The following PLA2G4A variants were observed in gnomAD, a reference collection of about 807,000 sequenced individuals.
PLA2G4A encodes the protein cytosolic phospholipase A2.
PLA2G4A carries 40 observed loss-of-function variants against 81.9 expected under a neutral mutation model. That is an observed-to-expected ratio of 0.49 (90% CI 0.38 to 0.64). The LOEUF is 0.64. PLA2G4A is among the 30% of genes least tolerant of loss of function. The pLI is 0.00. For missense variants in PLA2G4A, 715 were observed against 905.1 expected, an observed-to-expected ratio of 0.79 and a Z score of 2.69; for synonymous variants, 302 against 296.9, an observed-to-expected ratio of 1.02 and a Z score of -0.18.
At chr1:186,837,528 G>A (rs1651823800) in intron 1 of PLA2G4A, among the ~76,000 whole-genome samples, 1 of 150,878 alleles carries the variant, frequency 6.6e-6, no homozygotes, top group Admixed American at 6.6e-5. Flanking sequence ...AGGAGATCAA[G>A]ACCATCCTGG....
intron 7 of PLA2G4A, among the ~76,000 whole-genome samples, chr1:186,924,860 G>A (rs1003996456): frequency 1.3e-5 from 2 of 152,148 alleles, no homozygotes; most frequent in Non-Finnish European, 2.9e-5. Context: ...GACTGGCCCA[G>A]CCAACATGGT....
chr1:186,959,907 A>G (rs1042624188), intron 14 of PLA2G4A, among the ~76,000 whole-genome samples: 44 of 132,016 alleles, frequency 3.3e-4, no homozygotes, highest in Admixed American at 7.6e-4. Context: ...TGCCAAAAAA[A>G]AGATTTTTAT....
intron 7 of PLA2G4A, among the ~76,000 whole-genome samples, chr1:186,912,722 T>TTATATATACATATATATACATATATA (rs1201908992): frequency 4.3e-5 from 6 of 140,414 alleles, no homozygotes; most frequent in Non-Finnish European, 9.0e-5. Context: ...ATATGTATAT[T>TTATATATACATATATATACATATATA]TATATATACA....
intron 5 of PLA2G4A, among the ~76,000 whole-genome samples, chr1:186,899,416 C>T (rs892505084): frequency 5.3e-5 from 8 of 151,980 alleles, no homozygotes; most frequent in African/African-American, 1.9e-4. Flanking sequence ...TTAGGCATGT[C>T]CTTAAAGAAA....
At chr1:186,913,671 C>G (rs2102161245) in intron 7 of PLA2G4A, among the ~76,000 whole-genome samples, 1 of 152,024 alleles carries the variant, frequency 6.6e-6, no homozygotes, top group South Asian at 2.1e-4. Flanking sequence ...CATATATGTG[C>G]ATAGTCTTGT....
intron 7 of PLA2G4A, among the ~76,000 whole-genome samples, chr1:186,913,430 A>G (rs1655032981): frequency 6.6e-6 from 1 of 151,944 alleles, no homozygotes; most frequent in Admixed American, 6.6e-5. Context: ...TCAATCACCT[A>G]TCTAATCTGC....
intron 3 of PLA2G4A, among the ~76,000 whole-genome samples, chr1:186,881,319 T>A (rs1184378133): frequency 6.6e-6 from 1 of 152,072 alleles, no homozygotes; most frequent in Non-Finnish European, 1.5e-5. Flanking sequence ...TGCATTGTAA[T>A]TTCAAATGAG....
intron 7 of PLA2G4A, among the ~76,000 whole-genome samples, chr1:186,912,786 A>G (rs1335243314): frequency 3.0e-5 from 3 of 98,842 alleles, no homozygotes; most frequent in Non-Finnish European, 5.8e-5. Flanking sequence ...ATGTATACTT[A>G]TATATATATG....
intron 5 of PLA2G4A, among the ~76,000 whole-genome samples, chr1:186,906,155 A>T (rs181100519): frequency 1.3e-5 from 2 of 152,308 alleles, no homozygotes; most frequent in Non-Finnish European, 2.9e-5. Context: ...AGCAACTTTC[A>T]AAGCATTTTC....
intron 1 of PLA2G4A, among the ~76,000 whole-genome samples, chr1:186,851,680 A>G (rs1205057031): frequency 6.6e-6 from 1 of 151,982 alleles, no homozygotes; most frequent in East Asian, 1.9e-4. Context: ...ATATAGGTAT[A>G]TATTTCTTGT....
intron 3 of PLA2G4A, among the ~76,000 whole-genome samples, chr1:186,876,400 G>A (rs574756088): frequency 6.6e-6 from 1 of 152,114 alleles, no homozygotes; most frequent in East Asian, 1.9e-4. Flanking sequence ...TTAGGGCCAT[G>A]AAATCTCCCC....
chr1:186,890,384 TG>T (rs1654092722), intron 3 of PLA2G4A, among the ~76,000 whole-genome samples: 1 of 152,036 alleles, frequency 6.6e-6, no homozygotes, highest in Non-Finnish European at 1.5e-5. Context: ...AAGGATTCGG[TG>T]GAATCCTAAA....
At chr1:186,913,246 T>A (rs1655027222) in intron 7 of PLA2G4A, among the ~76,000 whole-genome samples, 1 of 152,012 alleles carries the variant, frequency 6.6e-6, no homozygotes, top group African/African-American at 2.4e-5. Context: ...ATCCTAATTA[T>A]GGAGAAATAC....
rs1312455416 is a variant in PLA2G4A, at chr1:186,946,916, G to A, written c.1219G>A (p.Val407Ile). The change falls in exon 12 of 18, where the codon GTT (valine) becomes ATT (isoleucine). Residue 407 changes from valine (V) to isoleucine (I), a missense_variant. Val to Ile is a conservative substitution (Grantham distance 29, BLOSUM62 3). Transcript: ENST00000367466. ...FSILFNRVLG[V>I]SGSQSRGSTM... ...CATATTGTTCAACAGAGTTTTGGGCGTTTCTGGTTCACAAAGCAGAGGCTC... is the reference window on the plus strand; with the variant it reads ...CATATTGTTCAACAGAGTTTTGGGCATTTCTGGTTCACAAAGCAGAGGCTC... 9.9e-6 allele frequency: 16 copies of A among 1,612,198 alleles called. No homozygotes were observed. The highest frequency in any genetic ancestry group is 4.5e-5 in the East Asian group (2 of 44,836).
intron 10 of PLA2G4A, among the ~76,000 whole-genome samples, chr1:186,945,621 T>G (rs559207173): frequency 6.6e-6 from 1 of 152,246 alleles, no homozygotes; most frequent in South Asian, 2.1e-4. Context: ...CAGCACTTGA[T>G]TTTTCCTGTG....
At chr1:186,855,642 A>C (rs6703998) in intron 2 of PLA2G4A, among the ~76,000 whole-genome samples, 1 of 151,878 alleles carries the variant, frequency 6.6e-6, no homozygotes, top group African/African-American at 2.4e-5. Flanking sequence ...TCTGCATTCA[A>C]CGTTGTGTCT....
chr1:186,945,326 C>T (rs1656301553), intron 10 of PLA2G4A, among the ~76,000 whole-genome samples: 1 of 152,124 alleles, frequency 6.6e-6, no homozygotes, highest in Admixed American at 6.6e-5. Context: ...GTGGTCACAT[C>T]ACACAGGGAG....
At chr1:186,907,084 T>C (rs1217012064) in intron 6 of PLA2G4A, 82 bp downstream of exon 6, 1 of 774,642 alleles carries the variant, frequency 1.3e-6, no homozygotes, top group Admixed American at 1.9e-5. Flanking sequence ...TTTTTTTATA[T>C]ATAATTCTGC....
At chr1:186,900,323 TA>T (rs1412396982) in intron 5 of PLA2G4A, among the ~76,000 whole-genome samples, 2 of 152,222 alleles carry the variant, frequency 1.3e-5, no homozygotes, top group East Asian at 3.8e-4. Flanking sequence ...TTAAATAGGT[TA>T]ATGCGTAAAA....
Sources: allele counts gnomAD v4.1 joint callset (sites outside exome capture counted in the v4.1 genomes callset), GRCh38; gene constraint gnomAD v4.1.1; transcripts MANE v1.5; gene names NCBI Gene and HGNC (gene_info 2026-07-23, HGNC 2026-07-21).